Variants in TLL1 observed in about 807,000 individuals in gnomAD.
TLL1 encodes tolloid-like protein 1.
TLL1 carries 49 observed loss-of-function variants against 128.2 expected under a neutral mutation model. The observed-to-expected ratio is 0.38, with a 90% CI of 0.30 to 0.48. The LOEUF is 0.48. Among genes scored for constraint, TLL1 ranks in the 20% least tolerant of loss-of-function variants. TLL1 has a pLI of 0.96. For synonymous variants in TLL1, 454 were observed against 418.8 expected (o/e 1.08, Z -1.03); for missense variants, 1,123 against 1,242.0 (o/e 0.90, Z 1.44).
At chr4:165,874,497 C>G (rs150257807) in intron 1 of TLL1, among the ~76,000 whole-genome samples, 1 of 152,248 alleles carries the variant, frequency 6.6e-6, no homozygotes, top group African/African-American at 2.4e-5. Context: ...TGTTCGAGAG[C>G]GAGTTGGCAG....
At chr4:165,912,067 A>G (rs1415811866) in intron 1 of TLL1, among the ~76,000 whole-genome samples, 3 of 151,952 alleles carry the variant, frequency 2.0e-5, no homozygotes, top group Non-Finnish European at 4.4e-5. Context: ...AGTAGAGACG[A>G]GGTTTCACCA....
chr4:166,084,086 G>A (rs1357699126), intron 18 of TLL1, among the ~76,000 whole-genome samples: 1 of 152,138 alleles, frequency 6.6e-6, no homozygotes, highest in Non-Finnish European at 1.5e-5. Context: ...CATTCTAGCA[G>A]GCGTGGGGTG....
At position 166,073,387 on chromosome 4, in the gene TLL1, C is replaced by T. The variant is rs1740878622; in HGVS notation, c.2189-1491C>T. On this transcript the variant is annotated intron_variant, in intron 16 of 20. Coordinates refer to ENST00000061240, the MANE Select transcript of TLL1 (RefSeq NM_012464.5). Reference sequence around the variant, plus strand: ...AGGAGTTCAAAATTATGGTAAATTTCTCTAAAATTAATTTTACAAATCTAA... The same window carrying T: ...AGGAGTTCAAAATTATGGTAAATTTTTCTAAAATTAATTTTACAAATCTAA... Among the ~76,000 whole-genome samples, 3 of 152,084 alleles carry T rather than the reference C, an allele frequency of 2.0e-5. 1 individual carries two copies. The highest frequency in any genetic ancestry group is 2.0e-4 in the Admixed American group (3 of 15,266).
rs370671781 is a variant in TLL1, at chr4:165,873,890, C to T, written c.-15C>T. ...CTCTGGGTCCCGTCCCCTCCTTTTCCTCCGGGGGAGGAGGATGGGGTTGGG... is the reference window on the plus strand; with the variant it reads ...CTCTGGGTCCCGTCCCCTCCTTTTCTTCCGGGGGAGGAGGATGGGGTTGGG... On this transcript the variant is annotated 5_prime_UTR_variant, in exon 1 of 21. Coordinates refer to ENST00000061240, the MANE Select transcript of TLL1 (RefSeq NM_012464.5). 1.2e-6 allele frequency: 2 copies of T among 1,613,342 alleles called. No individual in the cohort carries two copies. The highest frequency in any genetic ancestry group is 1.7e-6 in the Non-Finnish European group (2 of 1,180,000).
At chr4:166,007,669 G>A (rs1056523920) in intron 6 of TLL1, among the ~76,000 whole-genome samples, 10 of 151,670 alleles carry the variant, frequency 6.6e-5, no homozygotes, top group African/African-American at 2.4e-4. Flanking sequence ...ATATTATGAG[G>A]TGGTAAAAGA....
At chr4:165,999,514 C>G (rs1170120602) in intron 5 of TLL1, among the ~76,000 whole-genome samples, 1 of 150,164 alleles carries the variant, frequency 6.7e-6, no homozygotes, top group East Asian at 1.9e-4. Context: ...GGGGAGACCA[C>G]CCCCCTGATC....
chr4:166,086,599 C>T (rs1266966133), intron 18 of TLL1, among the ~76,000 whole-genome samples: 1 of 152,082 alleles, frequency 6.6e-6, no homozygotes, highest in Admixed American at 6.6e-5. Flanking sequence ...TCAAAGGAAC[C>T]AGACTCTTTT....
chr4:165,959,897 C>T (rs1186199602), intron 1 of TLL1, among the ~76,000 whole-genome samples: 1 of 151,994 alleles, frequency 6.6e-6, no homozygotes. Flanking sequence ...TTAGAAATAT[C>T]TCAAATTAAT....
At chr4:165,996,216 T>C (rs1253481350) in intron 5 of TLL1, among the ~76,000 whole-genome samples, 2 of 152,190 alleles carry the variant, frequency 1.3e-5, no homozygotes, top group African/African-American at 4.8e-5. Flanking sequence ...ATGTCTGTCT[T>C]TCTCAATGAT....
At chr4:165,891,025 C>T (rs1351037962) in intron 1 of TLL1, among the ~76,000 whole-genome samples, 1 of 152,194 alleles carries the variant, frequency 6.6e-6, no homozygotes, top group Non-Finnish European at 1.5e-5. Context: ...AGGCACACCA[C>T]CACATATAAG....
intron 17 of TLL1, among the ~76,000 whole-genome samples, chr4:166,076,303 G>C (rs1741020043): frequency 6.6e-6 from 1 of 152,164 alleles, no homozygotes; most frequent in Non-Finnish European, 1.5e-5. Flanking sequence ...GAACTCCTGA[G>C]CTCAAGCAAT....
intron 12 of TLL1, among the ~76,000 whole-genome samples, chr4:166,046,150 G>A (rs1185360527): frequency 6.6e-6 from 1 of 152,068 alleles, no homozygotes. Flanking sequence ...ATTAATGTTG[G>A]GTAATAGATG....
rs3047083 is a variant in TLL1, at chr4:166,036,789, C to CTGTGTGTG, written c.1159-2516_1159-2509dup. ...TCTGCTTAGAGTTATCCCTATCCAA[C>CTGTGTGTG]TGTGTGTGTGTGTGTGTGTGTGTGT... is the stretch of plus-strand genomic sequence containing the variant. On this transcript the variant is annotated intron_variant, in intron 9 of 20. Coordinates refer to ENST00000061240, the MANE Select transcript of TLL1 (RefSeq NM_012464.5). Among the ~76,000 whole-genome samples the CTGTGTGTG allele has an allele frequency of 4.5e-3, 647 of 145,214 alleles. 4 individuals are homozygous for CTGTGTGTG. The highest frequency in any genetic ancestry group is 0.012 in the African/African-American group (472 of 39,228).
At chr4:165,885,440 G>A (rs1028957869) in intron 1 of TLL1, among the ~76,000 whole-genome samples, 1 of 151,802 alleles carries the variant, frequency 6.6e-6, no homozygotes, top group Non-Finnish European at 1.5e-5. Flanking sequence ...AAACCCTCAG[G>A]TTTCTGACAG....
intron 1 of TLL1, among the ~76,000 whole-genome samples, chr4:165,974,102 G>C (rs1735756500): frequency 7.3e-6 from 1 of 137,688 alleles, no homozygotes; most frequent in Non-Finnish European, 1.6e-5. Context: ...ACTGCACTCT[G>C]TAACTCTTAG....
chr4:165,911,914 C>G (rs186645508), intron 1 of TLL1, among the ~76,000 whole-genome samples: 2 of 152,052 alleles, frequency 1.3e-5, no homozygotes, highest in African/African-American at 4.8e-5. Context: ...CTCGCTCTGT[C>G]GCCTAGGCTG....
intron 18 of TLL1, 21 bp from the exon 19 acceptor site, chr4:166,091,107 T>G (rs574489814): frequency 1.8e-5 from 29 of 1,585,006 alleles, no homozygotes; most frequent in Non-Finnish European, 2.4e-5. Context: ...TTAAAAAAAT[T>G]ATTTCTTCTT....
chr4:165,984,396 T>C (rs1736301221), intron 1 of TLL1, among the ~76,000 whole-genome samples: 1 of 151,964 alleles, frequency 6.6e-6, no homozygotes, highest in Non-Finnish European at 1.5e-5. Flanking sequence ...GTCTTAGAAC[T>C]TTTGCCAAGT....
At chr4:165,975,169 C>G (rs148319149) in intron 1 of TLL1, among the ~76,000 whole-genome samples, 184 of 152,242 alleles carry the variant, frequency 1.2e-3, no homozygotes, top group African/African-American at 4.3e-3. Context: ...GATGAGGCAG[C>G]TTTTCAGCCA....
Sources: allele counts gnomAD v4.1 joint callset (sites outside exome capture counted in the v4.1 genomes callset), GRCh38; gene constraint gnomAD v4.1.1; transcripts MANE v1.5; gene names NCBI Gene and HGNC (gene_info 2026-07-23, HGNC 2026-07-21).